Variants in CCDC178 observed in about 807,000 individuals in gnomAD.
CCDC178 encodes the protein coiled-coil domain-containing protein 178.
Under a neutral mutation model 117.4 loss-of-function variants are expected in CCDC178, and 126 were observed. The ratio of observed to expected loss-of-function variants is 1.07; its 90% CI spans 0.93 to 1.24. The LOEUF (loss-of-function observed/expected upper bound fraction) is 1.24, where lower values mean the gene tolerates loss of function less well. Among genes scored for constraint, CCDC178 ranks in the 50% most tolerant of loss-of-function variants. The pLI, the probability that CCDC178 is intolerant of heterozygous loss-of-function variation, is 0.00. For missense variants in CCDC178, 1,030 were observed against 986.9 expected, an observed-to-expected ratio of 1.04 and a Z score of -0.59; for synonymous variants, 283 against 313.4, an observed-to-expected ratio of 0.90 and a Z score of 1.02.
rs116264843 is a variant in CCDC178, at chr18:33,006,033, G to T, written c.2389-31352C>A. Among the ~76,000 whole-genome samples, 511 of 152,070 alleles carry T rather than the reference G, an allele frequency of 3.4e-3. 2 individuals are homozygous for T. Among genetic ancestry groups the T allele is most frequent in the African/African-American group, 0.012 (492 of 41,532 alleles). Reference sequence around the variant, plus strand: ...AATAAGCACATTTCTTTTTCAATATGAGATAATTTACAATTTATCAGTTAT... The same window carrying T: ...AATAAGCACATTTCTTTTTCAATATTAGATAATTTACAATTTATCAGTTAT... On this transcript the variant is annotated intron_variant, in intron 21 of 22. Coordinates refer to ENST00000383096, the MANE Select transcript of CCDC178 (RefSeq NM_001105528.4).
At chr18:33,437,042 C>T (rs2064301758) in intron 2 of CCDC178, among the ~76,000 whole-genome samples, 1 of 152,080 alleles carries the variant, frequency 6.6e-6, no homozygotes, top group South Asian at 2.1e-4. Flanking sequence ...GAGTACAAAC[C>T]GAGCAAATGG....
intron 22 of CCDC178, among the ~76,000 whole-genome samples, chr18:32,961,346 C>T (rs145698756): frequency 1.3e-5 from 2 of 152,054 alleles, no homozygotes; most frequent in Non-Finnish European, 2.9e-5. Flanking sequence ...TATGAAATGT[C>T]TCTCTCTATT....
intron 21 of CCDC178, among the ~76,000 whole-genome samples, chr18:32,998,133 A>G (rs1487832434): frequency 6.6e-6 from 1 of 152,248 alleles, no homozygotes; most frequent in Non-Finnish European, 1.5e-5. Context: ...CTCTGGCAGC[A>G]GCCATGTGGT....
chr18:33,238,407 A>C (rs1244141553), intron 15 of CCDC178, among the ~76,000 whole-genome samples: 1 of 152,154 alleles, frequency 6.6e-6, no homozygotes, highest in Non-Finnish European at 1.5e-5. Flanking sequence ...TAAAATCAGG[A>C]AACAATTTAT....
chr18:33,209,706 A>G (rs966219990), intron 20 of CCDC178, among the ~76,000 whole-genome samples: 1 of 152,064 alleles, frequency 6.6e-6, no homozygotes, highest in African/African-American at 2.4e-5. Context: ...TAAACTCTGC[A>G]TCTTCAGACT....
At chr18:33,144,547 A>G (rs982639601) in intron 20 of CCDC178, among the ~76,000 whole-genome samples, 4 of 151,966 alleles carry the variant, frequency 2.6e-5, no homozygotes, top group Admixed American at 2.6e-4. Context: ...GCCTATTGTC[A>G]TTATGTCCGG....
intron 20 of CCDC178, among the ~76,000 whole-genome samples, chr18:33,157,019 A>T (rs369809186): frequency 1.8e-4 from 28 of 152,228 alleles, no homozygotes; most frequent in African/African-American, 6.8e-4. Context: ...AACAGTCTAC[A>T]TATAATTTTT....
At chr18:33,142,537 A>T (rs1181723554) in intron 20 of CCDC178, among the ~76,000 whole-genome samples, 3 of 152,212 alleles carry the variant, frequency 2.0e-5, no homozygotes, top group African/African-American at 7.2e-5. Flanking sequence ...AAGCTCAGAA[A>T]TCCAGTTAAG....
intron 2 of CCDC178, among the ~76,000 whole-genome samples, chr18:33,412,571 C>G (rs1364022804): frequency 2.0e-5 from 3 of 152,138 alleles, no homozygotes; most frequent in Non-Finnish European, 4.4e-5. Flanking sequence ...CAACCAATTT[C>G]AACAATTATC....
chr18:33,318,940 C>G (rs2144989854), intron 11 of CCDC178, among the ~76,000 whole-genome samples: 1 of 152,174 alleles, frequency 6.6e-6, no homozygotes, highest in East Asian at 1.9e-4. Flanking sequence ...AAGAAAATAT[C>G]TTTTGAACAA....
chr18:33,394,319 C>A (rs966890156), intron 4 of CCDC178, among the ~76,000 whole-genome samples: 1 of 151,796 alleles, frequency 6.6e-6, no homozygotes, highest in East Asian at 1.9e-4. Context: ...TACAATAACA[C>A]ATATTAATTT....
chr18:32,963,984 T>C (rs1386036510), intron 22 of CCDC178, among the ~76,000 whole-genome samples: 1 of 152,020 alleles, frequency 6.6e-6, no homozygotes, highest in African/African-American at 2.4e-5. Context: ...ACAGAATAAA[T>C]TCAGTGTTTC....
intron 21 of CCDC178, among the ~76,000 whole-genome samples, chr18:33,067,338 T>C (rs922034677): frequency 2.0e-5 from 3 of 152,134 alleles, no homozygotes; most frequent in East Asian, 1.9e-4. Flanking sequence ...CAAAAAGCTA[T>C]GAAATCTATC....
At chr18:33,054,363 C>A (rs562612547) in intron 21 of CCDC178, among the ~76,000 whole-genome samples, 35 of 152,266 alleles carry the variant, frequency 2.3e-4, no homozygotes, top group Middle Eastern at 3.4e-3. Context: ...GCACAGATCA[C>A]CCCATCACCT....
intron 20 of CCDC178, among the ~76,000 whole-genome samples, chr18:33,167,003 C>T (rs146446142): frequency 1.1e-3 from 167 of 152,214 alleles, no homozygotes; most frequent in Non-Finnish European, 1.8e-3. Context: ...ATGTTTAGCT[C>T]CCACTTATAA....
intron 15 of CCDC178, among the ~76,000 whole-genome samples, chr18:33,239,110 G>A (rs1039970068): frequency 6.6e-6 from 1 of 152,008 alleles, no homozygotes; most frequent in African/African-American, 2.4e-5. Context: ...GGCCTTAAAA[G>A]AAAGGCCCAA....
At chr18:33,225,724 G>A (rs2059295205) in intron 16 of CCDC178, among the ~76,000 whole-genome samples, 1 of 152,130 alleles carries the variant, frequency 6.6e-6, no homozygotes. Flanking sequence ...CATACGTATA[G>A]AAATAAATGA....
At chr18:32,940,835 G>A (rs577529080) in intron 22 of CCDC178, among the ~76,000 whole-genome samples, 1 of 152,220 alleles carries the variant, frequency 6.6e-6, no homozygotes, top group Non-Finnish European at 1.5e-5. Flanking sequence ...AGAACAAAAT[G>A]AAATCAGAAT....
chr18:33,152,196 G>A (rs1252833996), intron 20 of CCDC178, among the ~76,000 whole-genome samples: 2 of 151,910 alleles, frequency 1.3e-5, no homozygotes, highest in African/African-American at 4.8e-5. Context: ...GTGGCTAGGC[G>A]ACAAATGGAA....
Sources: gnomAD v4.1 joint callset for allele counts (sites outside exome capture counted in the v4.1 genomes callset) on GRCh38, gnomAD v4.1.1 for gene constraint, MANE v1.5 for transcripts, NCBI Gene and HGNC (gene_info 2026-07-23, HGNC 2026-07-21) for gene names.